Variants in EPHX2 observed in about 807,000 individuals in gnomAD.
The protein encoded by EPHX2 is bifunctional epoxide hydrolase 2.
Under a neutral mutation model 78.7 loss-of-function variants are expected in EPHX2, and 74 were observed. That is an observed-to-expected ratio of 0.94 (90% CI 0.78 to 1.14). The LOEUF is 1.14. EPHX2 is among the 50% of genes most tolerant of loss of function. The probability of loss-of-function intolerance (pLI) is 0.00; values close to 1 mark genes in which losing one functional copy is unlikely to be tolerated. For missense variants in EPHX2, 715 were observed against 702.5 expected, an observed-to-expected ratio of 1.02 and a Z score of -0.20; for synonymous variants, 251 against 255.2, an observed-to-expected ratio of 0.98 and a Z score of 0.16.
At chr8:27,543,891 G>T in intron 17 of EPHX2, 62 bp downstream of exon 17, 1 of 1,549,394 alleles carries the variant, frequency 6.5e-7, no homozygotes, top group Non-Finnish European at 8.9e-7. Flanking sequence ...CGGGTGCTCA[G>T]AGGGAAGACG....
Position 27,505,125 on chromosome 8 carries a change from C to T in EPHX2, c.516C>T (p.Thr172=). The stretch of plus-strand genomic sequence containing the variant: ...AGATCTACAAGTTTCTGCTGGACAC[C>T]CTGAAGGCCAGCCCCAGTGAGGTAC... The part of the protein sequence containing the change: ...EPQIYKFLLD[T]LKASPSEVVF... Residue 172 remains threonine, a synonymous_variant, in exon 4 of 19, where the codon ACC becomes ACT. Transcript: ENST00000521400. 6.8e-6 allele frequency: 11 copies of T among 1,614,042 alleles called. No homozygotes were observed. The highest frequency in any genetic ancestry group is 9.3e-6 in the Non-Finnish European group (11 of 1,180,002).
intron 14 of EPHX2, chr8:27,539,262 C>G (rs934962252): frequency 1.3e-5 from 2 of 152,814 alleles, no homozygotes; most frequent in Admixed American, 1.3e-4. Context: ...GTGGCCTTGA[C>G]AGCATTCACT....
chr8:27,532,368 C>T (rs562188498), intron 12 of EPHX2, among the ~76,000 whole-genome samples: 2 of 152,182 alleles, frequency 1.3e-5, no homozygotes, highest in South Asian at 2.1e-4. Flanking sequence ...AAGGTAAGAC[C>T]GTATCTTTAA....
At chr8:27,500,835 C>A in intron 1 of EPHX2, 91 bp from the exon 2 acceptor site, 5 of 1,179,852 alleles carry the variant, frequency 4.2e-6, no homozygotes, top group Middle Eastern at 2.0e-4. Flanking sequence ...TTTCTAGTGG[C>A]TGCTTCTCAA....
chr8:27,541,419 A>G (rs957464899), intron 15 of EPHX2, 54 bp from the exon 16 acceptor site: 14 of 1,579,742 alleles, frequency 8.9e-6, no homozygotes, highest in Non-Finnish European at 1.2e-5. Flanking sequence ...TGGTGTCTGT[A>G]GCAGAGCCGT....
chr8:27,546,623 AG>A (rs1375929066), downstream of EPHX2, among the ~76,000 whole-genome samples: 1 of 152,246 alleles, frequency 6.6e-6, no homozygotes, highest in African/African-American at 2.4e-5. Context: ...CTTTACTGGA[AG>A]GAGCACAAAC....
chr8:27,544,574 G>A lies in EPHX2; in HGVS notation c.*52G>A, dbSNP rs751110951. 6.3e-7 allele frequency: 1 copy of A among 1,590,076 alleles called. No homozygotes were observed. Among genetic ancestry groups the A allele is most frequent in the Non-Finnish European group, 8.6e-7 (1 of 1,159,720 alleles). ...GGTGTGCCATCCTTCCACCTGCTGG[G>A]GCACCATTCTTAGTATACAGAGGTG... On this transcript the variant is annotated 3_prime_UTR_variant, in exon 19 of 19. Coordinates refer to ENST00000521400, the MANE Select transcript of EPHX2 (RefSeq NM_001979.6).
At chr8:27,492,425 C>T (rs772629798) in intron 1 of EPHX2, among the ~76,000 whole-genome samples, 29 of 152,134 alleles carry the variant, frequency 1.9e-4, no homozygotes, top group Non-Finnish European at 3.8e-4. Context: ...AGAAGGATTG[C>T]CTGAGCCCAG....
downstream of EPHX2, among the ~76,000 whole-genome samples, chr8:27,546,946 C>T (rs570426183): frequency 3.9e-5 from 6 of 152,084 alleles, no homozygotes; most frequent in East Asian, 5.8e-4. Flanking sequence ...TCATGGCAGA[C>T]GGTGAAGGGG....
Position 27,518,323 on chromosome 8 carries a change from G to A in EPHX2, c.945+251G>A, listed in dbSNP as rs188235223. ...CATGGGAAGTTAAAGGTAATTGCCT[G>A]AGGTCAGTAGCCAGTAGAGCCAGGT... On this transcript the variant is annotated intron_variant, in intron 9 of 18. Transcript: ENST00000521400. Among the ~76,000 whole-genome samples, 12 of 152,326 alleles carry A rather than the reference G, an allele frequency of 7.9e-5. No individual in the cohort carries two copies. The East Asian group carries it at 2.3e-3, about 29-fold the overall frequency.
intron 6 of EPHX2, among the ~76,000 whole-genome samples, chr8:27,514,420 C>G (rs1015108606): frequency 2.6e-5 from 4 of 152,200 alleles, no homozygotes; most frequent in Admixed American, 6.5e-5. Flanking sequence ...TGATTGTTCT[C>G]CTGCATTTCC....
intron 1 of EPHX2, among the ~76,000 whole-genome samples, chr8:27,497,784 T>G (rs1455530937): frequency 6.6e-6 from 1 of 152,200 alleles, no homozygotes; most frequent in Non-Finnish European, 1.5e-5. Context: ...CATTGAATAA[T>G]TCATGGGCTT....
Position 27,510,857 on chromosome 8 carries a change from G to A in EPHX2, c.661-979G>A, listed in dbSNP as rs191988391. The stretch of plus-strand genomic sequence containing the variant: ...CCAGCTACTTAGGAGGCTGAGGTGG[G>A]AGGATCCCTTGAGCCAAGGAGGTCA... On this transcript the variant is annotated intron_variant, in intron 5 of 18. Transcript: ENST00000521400. 1.4e-3 allele frequency among the ~76,000 whole-genome samples: 220 copies of A among 152,262 alleles called. 2 individuals are homozygous for A. Among genetic ancestry groups the A allele is most frequent in the South Asian group, 0.013 (61 of 4,826 alleles).
chr8:27,513,356 T>G (rs1814324936), intron 6 of EPHX2, among the ~76,000 whole-genome samples: 1 of 151,966 alleles, frequency 6.6e-6, no homozygotes, highest in Non-Finnish European at 1.5e-5. Flanking sequence ...TAAAGAGGAG[T>G]GAGGGGCTTT....
chr8:27,500,425 C>T (rs1813722190), intron 1 of EPHX2, among the ~76,000 whole-genome samples: 1 of 152,064 alleles, frequency 6.6e-6, no homozygotes, highest in Admixed American at 6.6e-5. Context: ...TGAGGTACGT[C>T]TTTATAGCAG....
At chr8:27,528,123 C>T (rs933360444) in intron 12 of EPHX2, among the ~76,000 whole-genome samples, 2 of 152,120 alleles carry the variant, frequency 1.3e-5, no homozygotes, top group Non-Finnish European at 2.9e-5. Flanking sequence ...AGGAGAAAGA[C>T]GCTTAGTAAT....
intron 9 of EPHX2, 118 bp from the exon 10 acceptor site, chr8:27,520,765 C>A: frequency 8.5e-7 from 1 of 1,183,398 alleles, no homozygotes; most frequent in Non-Finnish European, 1.3e-6. Flanking sequence ...CATTCTGAGG[C>A]CCTGGGGGTT....
chr8:27,541,007 T>G (rs1815381357), intron 15 of EPHX2, among the ~76,000 whole-genome samples: 1 of 152,144 alleles, frequency 6.6e-6, no homozygotes, highest in Admixed American at 6.5e-5. Flanking sequence ...GTGCATACAT[T>G]TTGGTGCATT....
chr8:27,511,061 G>A lies in EPHX2; in HGVS notation c.661-775G>A, dbSNP rs569221991. Among the ~76,000 whole-genome samples the A allele has an allele frequency of 2.0e-5, 3 of 152,252 alleles. No homozygotes were observed. In the East Asian group the frequency reaches 5.8e-4, roughly 29 times the overall value. Reference sequence around the variant, plus strand: ...GAGAAGATGGCCATCTGCAAGCCAGGGAGAGAGGCCTCAGGAGAAACCAGC... The same window carrying A: ...GAGAAGATGGCCATCTGCAAGCCAGAGAGAGAGGCCTCAGGAGAAACCAGC... On this transcript the variant is annotated intron_variant, in intron 5 of 18. Coordinates refer to ENST00000521400, the MANE Select transcript of EPHX2 (RefSeq NM_001979.6).
Sources: allele counts gnomAD v4.1 joint callset (sites outside exome capture counted in the v4.1 genomes callset), GRCh38; gene constraint gnomAD v4.1.1; transcripts MANE v1.5; gene names NCBI Gene and HGNC (gene_info 2026-07-23, HGNC 2026-07-21).